The following ZFHX3 variants were observed in gnomAD, a reference collection of about 807,000 sequenced individuals.
The protein encoded by ZFHX3 is zinc finger homeobox protein 3.
ZFHX3 carries 42 observed loss-of-function variants against 279.1 expected under a neutral mutation model. The ratio of observed to expected loss-of-function variants is 0.15; its 90% CI spans 0.12 to 0.19. The LOEUF is 0.19. Among genes scored for constraint, ZFHX3 ranks in the 10% least tolerant of loss-of-function variants. ZFHX3 has a pLI of 1.00. For missense variants in ZFHX3, 4,981 were observed against 4,754.0 expected (o/e 1.05, Z -1.40); for synonymous variants, 2,293 against 1,957.8 (o/e 1.17, Z -4.52).
At chr16:73,466,600 A>G (rs938063519) in intron 2 of ZFHX3, among the ~76,000 whole-genome samples, 12 of 152,190 alleles carry the variant, frequency 7.9e-5, no homozygotes, top group African/African-American at 2.9e-4. Context: ...GGAAAAGGGA[A>G]AAAAAATAGC....
chr16:73,591,709 A>G (rs1230053782), intron 2 of ZFHX3, among the ~76,000 whole-genome samples: 5 of 149,644 alleles, frequency 3.3e-5, no homozygotes, highest in Admixed American at 2.0e-4. Context: ...AAAAAAAAAA[A>G]AAAAAAAAAG....
chr16:72,989,081 A>G (rs76332659), intron 1 of ZFHX3, among the ~76,000 whole-genome samples: 8,831 of 152,112 alleles, frequency 0.058, 433 homozygotes, highest in African/African-American at 0.13. Context: ...GGCCAAGGCA[A>G]GAGGATCACT....
At chr16:73,007,503 G>A (rs1473810463) in intron 1 of ZFHX3, among the ~76,000 whole-genome samples, 1 of 152,202 alleles carries the variant, frequency 6.6e-6, no homozygotes, top group Non-Finnish European at 1.5e-5. Context: ...CTGGAGTGCA[G>A]TGGTGCGATC....
chr16:73,535,238 G>T (rs192787715), intron 2 of ZFHX3, among the ~76,000 whole-genome samples: 4 of 152,278 alleles, frequency 2.6e-5, no homozygotes, highest in African/African-American at 7.2e-5. Flanking sequence ...GCACAAATAA[G>T]AGTAAAATGT....
Position 73,251,897 on chromosome 16 carries a change from ATGCACACACACACAC to A in ZFHX3, c.-1104+5135_-1104+5149del, listed in dbSNP as rs1458441158. On this transcript the variant is annotated intron_variant, in intron 5 of 17. Coordinates refer to the ZFHX3 transcript ENST00000641206. ...CATGCACACACACCACACACACACC[ATGCACACACACACAC>A]CACACACACACCATGAACACACACA... is the stretch of plus-strand genomic sequence containing the variant. Among the ~76,000 whole-genome samples, 260 of 109,834 alleles carry A rather than the reference ATGCACACACACACAC, an allele frequency of 2.4e-3. 4 individuals are homozygous for A. Among genetic ancestry groups the A allele is most frequent in the African/African-American group, 0.011 (251 of 23,578 alleles). The allele number at this position is 109,834 out of a possible 152,430, so 72.1% of individuals were successfully genotyped here.
intron 1 of ZFHX3, among the ~76,000 whole-genome samples, chr16:73,823,697 C>T (rs537171807): frequency 1.3e-5 from 2 of 152,114 alleles, no homozygotes; most frequent in South Asian, 2.1e-4. Flanking sequence ...CCATCAGACC[C>T]GCAAAACTGA....
chr16:73,661,736 A>G (rs1434512575), intron 2 of ZFHX3, among the ~76,000 whole-genome samples: 1 of 151,610 alleles, frequency 6.6e-6, no homozygotes, highest in Non-Finnish European at 1.5e-5. Flanking sequence ...AAAAAAAAAA[A>G]AAAAAAAAGG....
chr16:73,730,365 A>G (rs893939056), intron 1 of ZFHX3, among the ~76,000 whole-genome samples: 1 of 151,344 alleles, frequency 6.6e-6, no homozygotes, highest in African/African-American at 2.4e-5. Flanking sequence ...AAAAAAAAAA[A>G]AAAAAAAAAA....
intron 3 of ZFHX3, among the ~76,000 whole-genome samples, chr16:73,343,513 C>T (rs1324869341): frequency 1.3e-5 from 2 of 152,110 alleles, no homozygotes; most frequent in Non-Finnish European, 2.9e-5. Flanking sequence ...ATGCTTGATC[C>T]CAGGAGTTTG....
intron 2 of ZFHX3, chr16:73,483,371 T>G: frequency 2.3e-6 from 1 of 429,938 alleles, no homozygotes; most frequent in Non-Finnish European, 4.5e-6. Context: ...GAGAGAGAGT[T>G]CCTCAAGAGA....
At chr16:73,440,827 CTG>C (rs1232993786) in intron 3 of ZFHX3, among the ~76,000 whole-genome samples, 3 of 152,218 alleles carry the variant, frequency 2.0e-5, no homozygotes. Flanking sequence ...CACCACCACT[CTG>C]TTTTCCTATC....
intron 3 of ZFHX3, among the ~76,000 whole-genome samples, chr16:73,333,037 C>T (rs1597288332): frequency 6.6e-6 from 1 of 152,188 alleles, no homozygotes. Context: ...CTGTCTTCCC[C>T]CTTACATTTA....
At chr16:73,468,917 T>C (rs985606720) in intron 2 of ZFHX3, among the ~76,000 whole-genome samples, 3 of 152,188 alleles carry the variant, frequency 2.0e-5, no homozygotes, top group African/African-American at 2.4e-5. Context: ...CCTTTCTGGA[T>C]TGACTGCATA....
intron 3 of ZFHX3, among the ~76,000 whole-genome samples, chr16:73,367,668 T>C (rs1170243776): frequency 6.6e-6 from 1 of 152,212 alleles, no homozygotes; most frequent in Non-Finnish European, 1.5e-5. Context: ...CCAGCCCACC[T>C]TGGGCTTGAA....
intron 5 of ZFHX3, chr16:73,233,220 A>G (rs1380704159): frequency 6.6e-6 from 1 of 151,986 alleles, no homozygotes; most frequent in African/African-American, 2.4e-5. Flanking sequence ...TTAGCCAAGG[A>G]CGGAATATCG....
chr16:73,294,493 T>C (rs2014854030), intron 4 of ZFHX3, among the ~76,000 whole-genome samples: 1 of 152,136 alleles, frequency 6.6e-6, no homozygotes, highest in East Asian at 1.9e-4. Flanking sequence ...TACAAGAAGA[T>C]GGTGCTCAGT....
At chr16:73,441,360 A>G (rs183632944) in intron 3 of ZFHX3, among the ~76,000 whole-genome samples, 73 of 152,264 alleles carry the variant, frequency 4.8e-4, no homozygotes, top group African/African-American at 1.4e-3. Context: ...TGTCTAAAAG[A>G]CCAGATCAAC....
Position 72,797,080 on chromosome 16 carries a change from G to T in ZFHX3, c.5602C>A (p.Leu1868Ile), listed in dbSNP as rs747426479. ...TTTTCGGGGTGCTGGCTTGGCTGAA[G>T]GAGGGCAGAGTGACTCTGGGCTATA... ...LSIAQSHSALLQPSQHPEKKN... is the reference protein window; with the variant it reads ...LSIAQSHSALIQPSQHPEKKN... The change falls in exon 9 of 10, where the codon CTT becomes ATT. Residue 1868 changes from leucine (L) to isoleucine (I), a missense_variant. By Grantham distance (5) the Leu-to-Ile change is conservative. This residue lies in a region of ZFHX3 where 1,751 missense variants were observed against 1,770.0 expected (regional missense o/e 0.99). Transcript: ENST00000268489. 6.2e-7 allele frequency: 1 copy of T among 1,613,916 alleles called. No individual in the cohort carries two copies. Among genetic ancestry groups the T allele is most frequent in the African/African-American group, 1.3e-5 (1 of 74,914 alleles).
Position 72,889,738 on chromosome 16 carries a change from C to T in ZFHX3, c.3441G>A (p.Thr1147=), listed in dbSNP as rs758475144. 4 of 1,612,074 alleles carry T rather than the reference C, an allele frequency of 2.5e-6. No homozygotes were observed. The highest frequency in any genetic ancestry group is 3.4e-6 in the Non-Finnish European group (4 of 1,179,852). ...GCCTGTGAGACCACTCACCTGGGTC[C>T]GTGGAGGGGCACCTGCGGATGGTGA... ...QIFTIRRCPS[T]DPEEAIEDVE... Residue 1147 remains threonine, a synonymous_variant, in exon 4 of 10, where the codon ACG becomes ACA. Transcript: ENST00000268489.
Sources: gnomAD v4.1 joint callset for allele counts (sites outside exome capture counted in the v4.1 genomes callset) on GRCh38, gnomAD v4.1.1 for gene constraint, gnomAD v4.1.1 regional missense constraint, MANE v1.5 for transcripts, NCBI Gene and HGNC (gene_info 2026-07-23, HGNC 2026-07-21) for gene names.